The following MTAP variants were observed in gnomAD, a reference collection of about 807,000 sequenced individuals.
MTAP encodes S-methyl-5'-thioadenosine phosphorylase.
A neutral mutation model predicts 33.6 loss-of-function variants in MTAP; 33 were observed. The ratio of observed to expected loss-of-function variants is 0.98; its 90% CI spans 0.74 to 1.31. The LOEUF (loss-of-function observed/expected upper bound fraction) is 1.31. Among genes scored for constraint, MTAP ranks in the 40% most tolerant of loss-of-function variants. MTAP has a pLI of 0.00. For synonymous variants in MTAP, 148 were observed against 125.7 expected (o/e 1.18, Z -1.19); for missense variants, 367 against 360.0 (o/e 1.02, Z -0.16).
At chr9:21,880,170 C>T (rs184340215) in intron 1 of MTAP, among the ~76,000 whole-genome samples, 295 of 152,034 alleles carry the variant, frequency 1.9e-3, no homozygotes, top group African/African-American at 6.8e-3. Flanking sequence ...GTGGATCCCC[C>T]GTAAAGGAAT....
intron 1 of MTAP, among the ~76,000 whole-genome samples, chr9:21,897,993 T>C (rs943832053): frequency 6.6e-6 from 1 of 152,160 alleles, no homozygotes; most frequent in Non-Finnish European, 1.5e-5. Context: ...ACTACAAGGC[T>C]ACAGTAACCA....
At chr9:21,914,809 T>C (rs1818647073) in intron 1 of MTAP, among the ~76,000 whole-genome samples, 1 of 150,538 alleles carries the variant, frequency 6.6e-6, no homozygotes, top group African/African-American at 2.5e-5. Flanking sequence ...AAACAAATGG[T>C]ATCCCTGGGA....
chr9:21,918,469 A>C (rs1217326535), intron 1 of MTAP, among the ~76,000 whole-genome samples: 1 of 151,734 alleles, frequency 6.6e-6, no homozygotes, highest in South Asian at 2.1e-4. Flanking sequence ...CTTGGGTGAC[A>C]GGCACACTAA....
intron 1 of MTAP, among the ~76,000 whole-genome samples, chr9:21,884,905 A>G (rs902707988): frequency 1.3e-5 from 2 of 152,202 alleles, no homozygotes; most frequent in Non-Finnish European, 2.9e-5. Context: ...GGTTGCATAC[A>G]CAATTAGTAA....
chr9:21,823,927 G>A (rs1444193500), intron 4 of MTAP, among the ~76,000 whole-genome samples: 2 of 152,172 alleles, frequency 1.3e-5, no homozygotes, highest in African/African-American at 2.4e-5. Flanking sequence ...CATTCGTCAC[G>A]TAGTTCTCGT....
At chr9:21,921,505 AAT>A (rs1397527002) in intron 1 of MTAP, among the ~76,000 whole-genome samples, 1 of 152,178 alleles carries the variant, frequency 6.6e-6, no homozygotes, top group African/African-American at 2.4e-5. Flanking sequence ...GTTCAAAGAT[AAT>A]ATAGAAATAC....
intron 1 of MTAP, among the ~76,000 whole-genome samples, chr9:21,928,779 A>C (rs912236144): frequency 1.3e-5 from 2 of 152,000 alleles, no homozygotes; most frequent in Admixed American, 6.6e-5. Flanking sequence ...TGGACCTCTT[A>C]CCTTTAACCC....
chr9:21,931,211 G>T, downstream of MTAP: 1 of 715,488 alleles, frequency 1.4e-6, no homozygotes, highest in Non-Finnish European at 2.6e-6. Context: ...AAGAGGCCAA[G>T]ACCCACAGAA....
chr9:21,925,008 A>G (rs1818846900), intron 1 of MTAP, among the ~76,000 whole-genome samples: 1 of 152,146 alleles, frequency 6.6e-6, no homozygotes, highest in Non-Finnish European at 1.5e-5. Context: ...CACCCCAAAA[A>G]TTTGCAAATG....
chr9:21,867,548 A>G (rs1287379457), downstream of MTAP, among the ~76,000 whole-genome samples: 1 of 152,098 alleles, frequency 6.6e-6, no homozygotes, highest in Non-Finnish European at 1.5e-5. Context: ...ATAATGCTGG[A>G]TTCGGTTTGC....
intron 1 of MTAP, chr9:21,803,188 T>G: frequency 2.7e-6 from 1 of 369,370 alleles, no homozygotes; most frequent in Non-Finnish European, 4.8e-6. Flanking sequence ...AGTCAGGAGG[T>G]GTCCGGGCGC....
Position 21,818,007 on chromosome 9 carries a change from G to T in MTAP, c.180-28G>T, listed in dbSNP as rs778396282. The T allele has an allele frequency of 5.0e-6, 8 of 1,596,384 alleles. No individual in the cohort carries two copies. In the South Asian group the frequency reaches 5.7e-5, roughly 11 times the overall value. Reference sequence around the variant, plus strand: ...ACAGTTGGTGGTGTACTCATCACGGGTTAACAATTTCTTCTCTCCTTCCAT... The same window carrying T: ...ACAGTTGGTGGTGTACTCATCACGGTTTAACAATTTCTTCTCTCCTTCCAT... On this transcript the variant is annotated intron_variant, in intron 3 of 7. Coordinates refer to ENST00000644715, the MANE Select transcript of MTAP (RefSeq NM_002451.4).
In MTAP at chr9:21,842,983, A is replaced by C. The variant is rs778742234; in HGVS notation, c.450+4973A>C. The stretch of plus-strand genomic sequence containing the variant: ...AAGATACGCAATGGCAGAATGGATA[A>C]AAATCTACCAACTAAGTATCTGCAG... On this transcript the variant is annotated intron_variant, in intron 5 of 7. Coordinates refer to ENST00000644715, the MANE Select transcript of MTAP (RefSeq NM_002451.4). Among the ~76,000 whole-genome samples the C allele has an allele frequency of 1.4e-4, 21 of 152,222 alleles. 1 individual carries two copies. The highest frequency in any genetic ancestry group is 2.9e-4 in the Non-Finnish European group (20 of 68,028).
chr9:21,865,976 A>C lies in MTAP; in HGVS notation c.*3962A>C, dbSNP rs1209710154. The C allele has an allele frequency of 5.1e-6, 1 of 196,654 alleles. No homozygotes were observed. The highest frequency in any genetic ancestry group is 2.4e-5 in the African/African-American group (1 of 42,196). 12.2% of individuals were successfully genotyped at this position (196,654 alleles called of 1,614,324 possible). Reference sequence around the variant, plus strand: ...AAAGCTGCTATAAGCATGAAATTACAAGTCTTTTTGTGAACATATTTTCAC... The same window carrying C: ...AAAGCTGCTATAAGCATGAAATTACCAGTCTTTTTGTGAACATATTTTCAC... On this transcript the variant is annotated 3_prime_UTR_variant, in exon 8 of 8. Transcript: ENST00000644715.
At chr9:21,840,312 G>A (rs1414591459) in intron 5 of MTAP, among the ~76,000 whole-genome samples, 3 of 152,038 alleles carry the variant, frequency 2.0e-5, no homozygotes, top group African/African-American at 7.2e-5. Flanking sequence ...ATGATCTTTT[G>A]TTCCAAGAAC....
chr9:21,815,283 A>G (rs1223248509), intron 1 of MTAP, 150 bp from the exon 2 acceptor site: 1 of 555,230 alleles, frequency 1.8e-6, no homozygotes, highest in Non-Finnish European at 3.2e-6. Context: ...ATATTTGTTG[A>G]TTGATGTTCA....
downstream of MTAP, among the ~76,000 whole-genome samples, chr9:21,871,982 C>T (rs1288961337): frequency 1.3e-5 from 2 of 152,088 alleles, no homozygotes; most frequent in African/African-American, 2.4e-5. Context: ...TCAGTAAAAC[C>T]AGTGAAAATT....
chr9:21,814,016 T>C (rs754558584), intron 1 of MTAP: 1 of 152,248 alleles, frequency 6.6e-6, no homozygotes, highest in African/African-American at 2.4e-5. Context: ...TATGTTAACC[T>C]GCTGTGGTTT....
intron 1 of MTAP, among the ~76,000 whole-genome samples, chr9:21,929,116 A>G (rs79944153): frequency 2.6e-5 from 4 of 152,128 alleles, no homozygotes; most frequent in African/African-American, 9.6e-5. Flanking sequence ...ATCTATTCCC[A>G]CAGCCATTAA....
Sources: gnomAD v4.1 joint callset for allele counts (sites outside exome capture counted in the v4.1 genomes callset) on GRCh38, gnomAD v4.1.1 for gene constraint, MANE v1.5 for transcripts, NCBI Gene and HGNC (gene_info 2026-07-23, HGNC 2026-07-21) for gene names.